The following CDKAL1 variants were observed in gnomAD, a reference collection of about 807,000 sequenced individuals.
The protein encoded by CDKAL1 is threonylcarbamoyladenosine tRNA methylthiotransferase.
CDKAL1 carries 32 observed loss-of-function variants against 68.2 expected under a neutral mutation model. That is an observed-to-expected ratio of 0.47 (90% confidence interval 0.35 to 0.63). The LOEUF (loss-of-function observed/expected upper bound fraction) is 0.63. Among genes scored for constraint, CDKAL1 ranks in the 30% least tolerant of loss-of-function variants. The pLI is 0.00. For synonymous variants in CDKAL1, 234 were observed against 244.3 expected (o/e 0.96, Z 0.39); for missense variants, 606 against 696.7 (o/e 0.87, Z 1.47).
At chr6:21,069,216 G>A (rs367855721) in intron 12 of CDKAL1, among the ~76,000 whole-genome samples, 5 of 152,144 alleles carry the variant, frequency 3.3e-5, no homozygotes, top group Non-Finnish European at 7.4e-5. Flanking sequence ...GTAGAATTGG[G>A]CATCTTTCTC....
intron 9 of CDKAL1, among the ~76,000 whole-genome samples, chr6:20,949,043 C>T (rs1445433801): frequency 6.6e-6 from 1 of 152,144 alleles, no homozygotes; most frequent in East Asian, 1.9e-4. Context: ...TTTTCTATAA[C>T]CAGTATAATT....
intron 13 of CDKAL1, among the ~76,000 whole-genome samples, chr6:21,137,183 A>G (rs1480536156): frequency 1.3e-5 from 2 of 152,236 alleles, no homozygotes; most frequent in African/African-American, 2.4e-5. Context: ...TCAGATTGAC[A>G]ACGGAGAAAG....
chr6:20,601,090 T>G (rs1766076766), intron 4 of CDKAL1, among the ~76,000 whole-genome samples: 1 of 152,090 alleles, frequency 6.6e-6, no homozygotes, highest in Non-Finnish European at 1.5e-5. Context: ...TTCAGTTTTC[T>G]TTCTTCCTCG....
chr6:20,841,956 A>G (rs984918181), intron 8 of CDKAL1, among the ~76,000 whole-genome samples: 4 of 152,196 alleles, frequency 2.6e-5, no homozygotes, highest in East Asian at 1.9e-4. Context: ...TCTTCCTTGT[A>G]GTTCAACAGC....
chr6:21,137,324 C>G (rs962573317), intron 13 of CDKAL1, among the ~76,000 whole-genome samples: 2 of 152,132 alleles, frequency 1.3e-5, no homozygotes, highest in African/African-American at 4.8e-5. Flanking sequence ...GTTGATTAAC[C>G]TGTATATTAC....
intron 4 of CDKAL1, among the ~76,000 whole-genome samples, chr6:20,572,246 A>C (rs1235997932): frequency 6.6e-6 from 1 of 152,162 alleles, no homozygotes; most frequent in East Asian, 1.9e-4. Flanking sequence ...CACTTGTGAC[A>C]ATTAGAGGTT....
intron 4 of CDKAL1, among the ~76,000 whole-genome samples, chr6:20,619,846 G>A (rs926560194): frequency 6.6e-6 from 1 of 152,100 alleles, no homozygotes; most frequent in South Asian, 2.1e-4. Flanking sequence ...AAATTTCTGT[G>A]TTTCGCTTTT....
rs77198262 is a variant in CDKAL1, at chr6:20,829,886, A to G, written c.639-16189A>G. 5.2e-3 allele frequency among the ~76,000 whole-genome samples: 789 copies of G among 152,202 alleles called. 19 individuals are homozygous for G. In the East Asian group the frequency reaches 0.066, roughly 13 times the overall value. On this transcript the variant is annotated intron_variant, in intron 8 of 15. Transcript: ENST00000274695. ...GCTGTTATTTACTTTTATTATTATTATTTTTTGAGACGGAGTCTCACTTGC... is the reference window on the plus strand; with the variant it reads ...GCTGTTATTTACTTTTATTATTATTGTTTTTTGAGACGGAGTCTCACTTGC...
intron 9 of CDKAL1, among the ~76,000 whole-genome samples, chr6:20,909,034 G>A (rs898917894): frequency 1.4e-4 from 21 of 152,064 alleles, no homozygotes; most frequent in African/African-American, 4.8e-4. Flanking sequence ...GGTTGTTGCT[G>A]CATCCTTTTC....
chr6:20,923,518 A>G (rs936571554), intron 9 of CDKAL1, among the ~76,000 whole-genome samples: 1 of 152,116 alleles, frequency 6.6e-6, no homozygotes, highest in African/African-American at 2.4e-5. Context: ...CTATGCCCAT[A>G]TGAGATGGTG....
chr6:20,925,395 A>G (rs1251838901), intron 9 of CDKAL1, among the ~76,000 whole-genome samples: 4 of 152,222 alleles, frequency 2.6e-5, no homozygotes, highest in Non-Finnish European at 5.9e-5. Flanking sequence ...CCCTTATTGC[A>G]GTAGACTTTG....
chr6:20,878,831 C>T (rs1419524536), intron 9 of CDKAL1, among the ~76,000 whole-genome samples: 1 of 151,846 alleles, frequency 6.6e-6, no homozygotes, highest in East Asian at 1.9e-4. Context: ...GTAATCCCAG[C>T]ACTTTGCGAG....
intron 6 of CDKAL1, among the ~76,000 whole-genome samples, chr6:20,740,867 G>C (rs1157333020): frequency 6.6e-6 from 1 of 152,094 alleles, no homozygotes. Context: ...AAATGAATAT[G>C]GGACTCCCGA....
At chr6:20,679,413 GC>G (rs1770272516) in intron 5 of CDKAL1, among the ~76,000 whole-genome samples, 1 of 152,110 alleles carries the variant, frequency 6.6e-6, no homozygotes, top group African/African-American at 2.4e-5. Context: ...TTGCTACAAT[GC>G]ATAGCATTTG....
chr6:20,744,512 G>A (rs1773585560), intron 6 of CDKAL1, among the ~76,000 whole-genome samples: 1 of 152,058 alleles, frequency 6.6e-6, no homozygotes, highest in East Asian at 1.9e-4. Flanking sequence ...GGTTCTTAGG[G>A]AGAGAATTCT....
intron 13 of CDKAL1, among the ~76,000 whole-genome samples, chr6:21,161,454 A>T (rs1462668650): frequency 6.6e-6 from 1 of 152,186 alleles, no homozygotes; most frequent in Non-Finnish European, 1.5e-5. Context: ...CTTTTCAGTC[A>T]GTGTAAGAGA....
chr6:20,687,879 AT>A (rs530951843), intron 5 of CDKAL1, among the ~76,000 whole-genome samples: 52 of 149,292 alleles, frequency 3.5e-4, no homozygotes, highest in South Asian at 1.1e-3. Context: ...TATGTAAAGG[AT>A]TTTTTTTTTT....
At chr6:20,771,513 T>A (rs1341012326) in intron 7 of CDKAL1, among the ~76,000 whole-genome samples, 3 of 152,200 alleles carry the variant, frequency 2.0e-5, no homozygotes, top group Non-Finnish European at 2.9e-5. Flanking sequence ...TGTCACACTT[T>A]ATGGTGGCTT....
intron 11 of CDKAL1, among the ~76,000 whole-genome samples, chr6:21,043,207 A>T (rs2150898462): frequency 6.6e-6 from 1 of 152,306 alleles, no homozygotes; most frequent in Non-Finnish European, 1.5e-5. Context: ...AGAGCATAGA[A>T]TGTCTGCCTT....
Sources: gnomAD v4.1 joint callset for allele counts (sites outside exome capture counted in the v4.1 genomes callset) on GRCh38, gnomAD v4.1.1 for gene constraint, MANE v1.5 for transcripts, NCBI Gene and HGNC (gene_info 2026-07-23, HGNC 2026-07-21) for gene names.